PLAU: variants seen among roughly 807,000 people sequenced by gnomAD.
The protein encoded by PLAU is plasminogen activator, urokinase.
In PLAU, 32 loss-of-function variants were observed where a neutral mutation model predicts 48.9. That is an observed-to-expected ratio of 0.65 (90% CI 0.49 to 0.88). PLAU has a LOEUF of 0.88. Ranked by LOEUF, PLAU falls within the 40% of genes least tolerant of loss-of-function variation. The pLI is 0.00. For missense variants in PLAU, 455 were observed against 545.2 expected (o/e 0.83, Z 1.65); for synonymous variants, 199 against 205.7 (o/e 0.97, Z 0.28).
At position 73,911,229 on chromosome 10, in the gene PLAU, CG is replaced by C. The variant is rs1436449545; in HGVS notation, c.-32+13del. ...CTGCCGCAGCCACCGGTGAGTGCCGCGGTCCTGAGATCCCCGGGCCGGATGC... is the reference window on the plus strand; with the variant it reads ...CTGCCGCAGCCACCGGTGAGTGCCGCGTCCTGAGATCCCCGGGCCGGATGC... On this transcript the variant is annotated intron_variant, in intron 1 of 10. Transcript: ENST00000372764. The C allele has an allele frequency of 1.0e-5, 4 of 393,286 alleles. No homozygotes were observed. Among genetic ancestry groups the C allele is most frequent in the Middle Eastern group, 1.4e-3 (2 of 1,386 alleles). 24.4% of individuals were successfully genotyped at this position (393,286 alleles called of 1,614,324 possible).
chr10:73,916,396 C>G lies in PLAU; in HGVS notation c.1127C>G (p.Ser376Ter). ...GTATCTTTGGCGTCACAGGGAGACT[C>G]AGGGGGACCCCTCGTCTGTTCCCTC... The part of the protein sequence containing the change: ...QWKTDSCQGD[S>*]GGPLVCSLQG... Residue 376 changes from serine (S) to a stop codon, truncating the protein, a stop_gained, in exon 11 of 11, where the codon TCA (serine) becomes TGA (stop). Coordinates refer to ENST00000372764, the MANE Select transcript of PLAU (RefSeq NM_002658.6). LOFTEE classifies it low-confidence loss of function (END_TRUNC). The G allele has an allele frequency of 2.5e-6, 4 of 1,612,770 alleles. No individual in the cohort carries two copies. Among genetic ancestry groups the G allele is most frequent in the Non-Finnish European group, 3.4e-6 (4 of 1,179,368 alleles).
intron 10 of PLAU, 123 bp from the exon 11 acceptor site, chr10:73,916,266 T>C (rs1031346991): frequency 2.4e-6 from 2 of 839,740 alleles, no homozygotes; most frequent in African/African-American, 1.7e-5. Context: ...AGAAAGAAAA[T>C]GGGAAGTCGC....
Position 73,914,854 on chromosome 10 carries a change from T to G in PLAU, c.908T>G (p.Met303Arg). ...ATACAGACCATCTGCCTGCCCTCGA[T>G]GTATAACGATCCCCAGTTTGGCACA... ...RTIQTICLPS[M>R]YNDPQFGTSC... The change falls in exon 9 of 11, where the codon ATG becomes AGG. Residue 303 changes from methionine (M) to arginine (R), a missense_variant. By Grantham distance (91) the Met-to-Arg change is moderately conservative. Coordinates refer to ENST00000372764, the MANE Select transcript of PLAU (RefSeq NM_002658.6). 1 of 1,614,222 alleles carries G rather than the reference T, an allele frequency of 6.2e-7. No homozygotes were observed. The highest frequency in any genetic ancestry group is 8.5e-7 in the Non-Finnish European group (1 of 1,180,028).
chr10:73,911,387 C>T, intron 1 of PLAU, 138 bp from the exon 2 acceptor site: 1 of 942,600 alleles, frequency 1.1e-6, no homozygotes, highest in African/African-American at 1.6e-5. Flanking sequence ...TCCAGGCTGC[C>T]CGGAGTCCGG....
intron 9 of PLAU, 144 bp from the exon 10 acceptor site, chr10:73,915,107 C>A: frequency 9.8e-7 from 1 of 1,019,506 alleles, no homozygotes; most frequent in Non-Finnish European, 1.5e-6. Context: ...ATGGTAGGGG[C>A]TATAGGTGGA....
In PLAU at chr10:73,916,737, G is replaced by C; in HGVS notation, c.*172G>C. ...ACAATAGCTTTACCCTCAGGCATAG[G>C]CCTGGGTGCTGGCTGCCCAGACCCC... On this transcript the variant is annotated 3_prime_UTR_variant, in exon 11 of 11. Transcript: ENST00000372764. 1 of 621,768 alleles carries C rather than the reference G, an allele frequency of 1.6e-6. No homozygotes were observed. The highest frequency in any genetic ancestry group is 2.0e-5 in the South Asian group (1 of 49,590). The allele number at this position is 621,768 out of a possible 1,614,324, so 38.5% of individuals were successfully genotyped here.
intron 7 of PLAU, 22 bp from the exon 8 acceptor site, chr10:73,913,958 T>C (rs749165945): frequency 6.2e-7 from 1 of 1,610,416 alleles, no homozygotes; most frequent in Non-Finnish European, 8.5e-7. Flanking sequence ...CTAAGCTGTT[T>C]GATGGGTATC....
chr10:73,916,418 C>G lies in PLAU; in HGVS notation c.1149C>G (p.Ser383=). 2 of 1,613,522 alleles carry G rather than the reference C, an allele frequency of 1.2e-6. No homozygotes were observed. The highest frequency in any genetic ancestry group is 1.7e-6 in the Non-Finnish European group (2 of 1,179,746). ...ACTCAGGGGGACCCCTCGTCTGTTCCCTCCAAGGCCGCATGACTTTGACTG... is the reference window on the plus strand; with the variant it reads ...ACTCAGGGGGACCCCTCGTCTGTTCGCTCCAAGGCCGCATGACTTTGACTG... ...QGDSGGPLVC[S]LQGRMTLTGI... Residue 383 remains serine (S), a synonymous_variant, in exon 11 of 11, where the codon TCC becomes TCG. Coordinates refer to ENST00000372764, the MANE Select transcript of PLAU (RefSeq NM_002658.6).
Position 73,913,768 on chromosome 10 carries a change from TG to T in PLAU, c.680+13del. 1 of 1,573,188 alleles carries T rather than the reference TG, an allele frequency of 6.4e-7. No individual in the cohort carries two copies. Among genetic ancestry groups the T allele is most frequent in the Middle Eastern group, 1.8e-4 (1 of 5,710 alleles). ...CCACACACTGCTTCATGTACGGCCC[TG>T]GGTTTCTCCTCTTCGACTCTTCTGC... On this transcript the variant is annotated intron_variant, in intron 7 of 10. Transcript: ENST00000372764.
chr10:73,914,154 T>A (rs2096131243), intron 8 of PLAU, 26 bp downstream of exon 8: 1 of 1,611,970 alleles, frequency 6.2e-7, no homozygotes, highest in African/African-American at 1.3e-5. Flanking sequence ...GCGACTACTG[T>A]GGCCATAATG....
chr10:73,911,485 G>T, intron 1 of PLAU, 40 bp from the exon 2 acceptor site: 3 of 1,573,496 alleles, frequency 1.9e-6, no homozygotes, highest in Non-Finnish European at 2.6e-6. Flanking sequence ...CTGCCTTCCC[G>T]TTCCTCCGCC....
chr10:73,910,779 CAGA>C (rs1338635553), upstream of PLAU: 2 of 152,362 alleles, frequency 1.3e-5, no homozygotes, highest in Admixed American at 1.3e-4. Flanking sequence ...GGAGAAGTTG[CAGA>C]AGAACTGATT....
chr10:73,913,725 C>T lies in PLAU; in HGVS notation c.647C>T (p.Pro216Leu), dbSNP rs1367732209. Residue 216 changes from proline to leucine, a missense_variant, in exon 7 of 11, where the codon CCT becomes CTT. Pro to Leu is a moderately conservative substitution (Grantham distance 98). Transcript: ENST00000372764. ...TYVCGGSLIS[P>L]CWVISATHCF... ...GTGTGTGGAGGCAGCCTCATCAGCCCTTGCTGGGTGATCAGCGCCACACAC... is the reference window on the plus strand; with the variant it reads ...GTGTGTGGAGGCAGCCTCATCAGCCTTTGCTGGGTGATCAGCGCCACACAC... 1 of 1,609,974 alleles carries T rather than the reference C, an allele frequency of 6.2e-7. No individual in the cohort carries two copies. The highest frequency in any genetic ancestry group is 1.1e-5 in the South Asian group (1 of 90,800).
Position 73,916,378 on chromosome 10 carries a change from T to G in PLAU, c.1120-11T>G. ...CTCTAGGGCTCATCTTTTGTATCTT[T>G]GGCGTCACAGGGAGACTCAGGGGGA... On this transcript the variant is annotated splice_polypyrimidine_tract_variant and intron_variant, in intron 10 of 10. Transcript: ENST00000372764. 6.2e-7 allele frequency: 1 copy of G among 1,610,656 alleles called. No homozygotes were observed.
Position 73,916,943 on chromosome 10 carries a change from T to G in PLAU, c.*378T>G. 5.4e-6 allele frequency: 1 copy of G among 184,364 alleles called. No individual in the cohort carries two copies. Among genetic ancestry groups the G allele is most frequent in the Non-Finnish European group, 1.1e-5 (1 of 87,194 alleles). 11.4% of individuals were successfully genotyped at this position (184,364 alleles called of 1,614,324 possible). ...GGCCCATGGTTGAGAAATGAATAATTTCCCAATTAGGAAGTGTAACAGCTG... is the reference window on the plus strand; with the variant it reads ...GGCCCATGGTTGAGAAATGAATAATGTCCCAATTAGGAAGTGTAACAGCTG... On this transcript the variant is annotated 3_prime_UTR_variant, in exon 11 of 11. Transcript: ENST00000372764.
At chr10:73,912,709 GGC>G (rs2096127008) in intron 4 of PLAU, among the ~76,000 whole-genome samples, 1 of 152,064 alleles carries the variant, frequency 6.6e-6, no homozygotes, top group Non-Finnish European at 1.5e-5. Flanking sequence ...AAATCAGCCT[GGC>G]ATGGTAGTGG....
In PLAU at chr10:73,914,852, G is replaced by A. The variant is rs1312602549; in HGVS notation, c.906G>A (p.Ser302=). The change falls in exon 9 of 11, where the codon TCG becomes TCA. Residue 302 remains serine, a synonymous_variant. Transcript: ENST00000372764. ...SRTIQTICLP[S]MYNDPQFGTS... ...CTATACAGACCATCTGCCTGCCCTC[G>A]ATGTATAACGATCCCCAGTTTGGCA... is the stretch of plus-strand genomic sequence containing the variant. 3.1e-6 allele frequency: 5 copies of A among 1,614,046 alleles called. No individual in the cohort carries two copies. Among genetic ancestry groups the A allele is most frequent in the Admixed American group, 1.7e-5 (1 of 59,996 alleles).
At chr10:73,913,241 G>A (rs1030409101) in intron 5 of PLAU, 49 bp from the exon 6 acceptor site, 3 of 1,599,956 alleles carry the variant, frequency 1.9e-6, no homozygotes, top group Non-Finnish European at 2.6e-6. Flanking sequence ...AGGAGGCAGG[G>A]AAGGCCCTCT....
At position 73,915,365 on chromosome 10, in the gene PLAU, C is replaced by T. The variant is rs2096134487; in HGVS notation, c.1085C>T (p.Ala362Val). Residue 362 changes from alanine (A) to valine (V), a missense_variant, in exon 10 of 11, where the codon GCT becomes GTT. Ala to Val is a moderately conservative substitution (Grantham distance 64). Coordinates refer to ENST00000372764, the MANE Select transcript of PLAU (RefSeq NM_002658.6). ...GSEVTTKMLC[A>V]ADPQWKTDSC... Reference sequence around the variant, plus strand: ...GAAGTCACCACCAAAATGCTGTGTGCTGCTGACCCACAGTGGAAAACAGAT... The same window carrying T: ...GAAGTCACCACCAAAATGCTGTGTGTTGCTGACCCACAGTGGAAAACAGAT... The T allele has an allele frequency of 6.2e-7, 1 of 1,612,318 alleles. No individual in the cohort carries two copies. The highest frequency in any genetic ancestry group is 8.5e-7 in the Non-Finnish European group (1 of 1,179,340).
Sources: gnomAD v4.1 joint callset for allele counts (sites outside exome capture counted in the v4.1 genomes callset) on GRCh38, gnomAD v4.1.1 for gene constraint, MANE v1.5 for transcripts, NCBI Gene and HGNC (gene_info 2026-07-23, HGNC 2026-07-21) for gene names.